Variants in NR6A1 observed in about 807,000 individuals in gnomAD.
NR6A1 encodes nuclear receptor subfamily 6 group A member 1, also known as retinoic acid receptor-related testis-associated receptor.
A neutral mutation model predicts 59.1 loss-of-function variants in NR6A1; 7 were observed. The observed-to-expected ratio is 0.12, with a 90% CI of 0.07 to 0.22. The LOEUF (loss-of-function observed/expected upper bound fraction) is 0.22, where lower values mean the gene tolerates loss of function less well. Ranked by LOEUF, NR6A1 falls within the 10% of genes least tolerant of loss-of-function variation. The probability of loss-of-function intolerance (pLI) is 1.00; values close to 1 mark genes in which losing one functional copy is unlikely to be tolerated. For missense variants in NR6A1, 468 were observed against 611.6 expected, an observed-to-expected ratio of 0.77 and a Z score of 2.48; for synonymous variants, 243 against 236.1, an observed-to-expected ratio of 1.03 and a Z score of -0.27.
At chr9:124,522,978 G>A (rs1471390595) in intron 9 of NR6A1, among the ~76,000 whole-genome samples, 185 bp from the exon 10 acceptor site, 1 of 152,156 alleles carries the variant, frequency 6.6e-6, no homozygotes, top group East Asian at 1.9e-4. Context: ...CCCTTTGGGT[G>A]CCCAGGGAGC....
intron 1 of NR6A1, among the ~76,000 whole-genome samples, chr9:124,740,569 G>T (rs1840147944): frequency 6.6e-6 from 1 of 152,116 alleles, no homozygotes; most frequent in Non-Finnish European, 1.5e-5. Flanking sequence ...TGCTCCCACA[G>T]GTTCCTGTGC....
chr9:124,538,422 T>C, intron 5 of NR6A1, 103 bp from the exon 6 acceptor site: 3 of 800,150 alleles, frequency 3.7e-6, no homozygotes, highest in Non-Finnish European at 4.1e-6. Flanking sequence ...GAACATGAGG[T>C]ATGTGTCTTC....
At chr9:124,660,701 T>TTAACCACCTCCACC (rs796586993) in intron 2 of NR6A1, among the ~76,000 whole-genome samples, 34 of 150,044 alleles carry the variant, frequency 2.3e-4, no homozygotes, top group African/African-American at 8.3e-4. Flanking sequence ...TAAGAGCTAC[T>TTAACCACCTCCACC]TCTAGCTTTT....
chr9:124,680,495 T>C (rs1402843525), intron 2 of NR6A1, among the ~76,000 whole-genome samples: 1 of 152,150 alleles, frequency 6.6e-6, no homozygotes, highest in Non-Finnish European at 1.5e-5. Context: ...AAACGGAGTG[T>C]ACAAAGTACA....
intron 2 of NR6A1, among the ~76,000 whole-genome samples, chr9:124,642,536 T>C (rs1836795020): frequency 6.6e-6 from 1 of 152,218 alleles, no homozygotes; most frequent in Non-Finnish European, 1.5e-5. Context: ...TTTAGCAGAA[T>C]CCCTGGCCTC....
intron 4 of NR6A1, among the ~76,000 whole-genome samples, chr9:124,541,478 A>G (rs7865114): frequency 0.1 from 15,397 of 152,192 alleles, 2,596 homozygotes; most frequent in African/African-American, 0.35. Flanking sequence ...AACAACAACA[A>G]AAAAACCCCA....
At chr9:124,762,887 A>G (rs1840820808) in intron 1 of NR6A1, among the ~76,000 whole-genome samples, 1 of 152,248 alleles carries the variant, frequency 6.6e-6, no homozygotes, top group East Asian at 1.9e-4. Context: ...TGGCAAGTAC[A>G]AGTTTTCCAA....
At chr9:124,740,236 T>A (rs1166713532) in intron 1 of NR6A1, among the ~76,000 whole-genome samples, 1 of 152,162 alleles carries the variant, frequency 6.6e-6, no homozygotes, top group African/African-American at 2.4e-5. Context: ...TCAGGTCTCC[T>A]CTAATTTCCC....
At chr9:124,543,758 T>C (rs754710678) in intron 4 of NR6A1, 44 bp downstream of exon 4, 2 of 1,517,310 alleles carry the variant, frequency 1.3e-6, no homozygotes, top group Non-Finnish European at 1.8e-6. Context: ...GCTGGAGCCC[T>C]GGGCTTCCAG....
rs147770187 is a variant in NR6A1, at chr9:124,566,267, C to T, written c.143-11697G>A. 2.8e-4 allele frequency among the ~76,000 whole-genome samples: 43 copies of T among 152,256 alleles called. No homozygotes were observed. In the East Asian group the frequency reaches 7.1e-3, roughly 25 times the overall value. On this transcript the variant is annotated intron_variant, in intron 2 of 9. Coordinates refer to ENST00000487099, the MANE Select transcript of NR6A1 (RefSeq NM_033334.4). ...AAAGAGACATACAGTGTTAAGAGTA[C>T]GGTGGTAGGGAGAAGCTTCTGGATC...
In NR6A1 at chr9:124,567,772, G is replaced by C. The variant is rs114541588; in HGVS notation, c.143-13202C>G. Among the ~76,000 whole-genome samples the C allele has an allele frequency of 1.3e-3, 187 of 149,180 alleles. 1 individual carries two copies. Among genetic ancestry groups the C allele is most frequent in the African/African-American group, 4.4e-3 (179 of 40,732 alleles). On this transcript the variant is annotated intron_variant, in intron 2 of 9. Transcript: ENST00000487099. ...ACATCATGATCCATTGGGAGTGATA[G>C]AGAAAATACATTTTGTAGGAGGCAG... is the stretch of plus-strand genomic sequence containing the variant.
intron 3 of NR6A1, among the ~76,000 whole-genome samples, chr9:124,545,654 G>C (rs1833574644): frequency 6.6e-6 from 1 of 152,136 alleles, no homozygotes. Flanking sequence ...CATAGGTAGA[G>C]AACAAAGATC....
chr9:124,713,065 C>CCTAT (rs1352571248), intron 2 of NR6A1, among the ~76,000 whole-genome samples: 3 of 152,064 alleles, frequency 2.0e-5, no homozygotes, highest in African/African-American at 7.2e-5. Context: ...TAATGACAGA[C>CCTAT]ATAGACCAAT....
intron 6 of NR6A1, among the ~76,000 whole-genome samples, chr9:124,537,600 G>A (rs1346797533): frequency 6.6e-6 from 1 of 152,082 alleles, no homozygotes; most frequent in Non-Finnish European, 1.5e-5. Flanking sequence ...ATCTCCTCAG[G>A]TAGAAGTGAC....
At chr9:124,701,222 C>T (rs1274313071) in intron 2 of NR6A1, among the ~76,000 whole-genome samples, 2 of 152,328 alleles carry the variant, frequency 1.3e-5, no homozygotes, top group Non-Finnish European at 2.9e-5. Context: ...AGTTTCTACA[C>T]ATCCTAACAC....
chr9:124,659,437 G>A (rs1837362175), intron 2 of NR6A1, among the ~76,000 whole-genome samples: 2 of 152,234 alleles, frequency 1.3e-5, no homozygotes, highest in South Asian at 4.1e-4. Flanking sequence ...CCTAGTGAGG[G>A]AGAGAAGTAT....
intron 1 of NR6A1, among the ~76,000 whole-genome samples, chr9:124,734,559 G>A (rs1193577520): frequency 2.6e-5 from 4 of 152,274 alleles, no homozygotes; most frequent in East Asian, 1.9e-4. Flanking sequence ...CAGGCATGAT[G>A]GTGCTTGGCT....
At chr9:124,751,715 A>C (rs1373358661) in intron 1 of NR6A1, among the ~76,000 whole-genome samples, 1 of 152,264 alleles carries the variant, frequency 6.6e-6, no homozygotes, top group African/African-American at 2.4e-5. Context: ...AAGAATCCAC[A>C]GTAAATGTTC....
intron 3 of NR6A1, among the ~76,000 whole-genome samples, chr9:124,549,077 A>G (rs1278956115): frequency 1.3e-5 from 2 of 152,244 alleles, no homozygotes; most frequent in African/African-American, 4.8e-5. Context: ...ACAGAGAAAG[A>G]TAACACAAGA....
Sources: allele counts gnomAD v4.1 joint callset (sites outside exome capture counted in the v4.1 genomes callset), GRCh38; gene constraint gnomAD v4.1.1; transcripts MANE v1.5; gene names NCBI Gene and HGNC (gene_info 2026-07-23, HGNC 2026-07-21).